The following DPP6 variants were observed in gnomAD, a reference collection of about 807,000 sequenced individuals.
The protein encoded by DPP6 is dipeptidyl peptidase like 6.
Under a neutral mutation model 122.6 loss-of-function variants are expected in DPP6, and 69 were observed. The observed-to-expected ratio is 0.56, with a 90% CI of 0.46 to 0.69. The LOEUF is 0.69. Ranked by LOEUF, DPP6 falls within the 30% of genes least tolerant of loss-of-function variation. DPP6 has a pLI of 0.00. For synonymous variants in DPP6, 418 were observed against 433.1 expected, an observed-to-expected ratio of 0.97 and a Z score of 0.43; for missense variants, 928 against 1,116.9, an observed-to-expected ratio of 0.83 and a Z score of 2.41.
chr7:154,736,171 GA>G (rs1378342559), intron 8 of DPP6, among the ~76,000 whole-genome samples: 1 of 152,224 alleles, frequency 6.6e-6, no homozygotes, highest in Non-Finnish European at 1.5e-5. Context: ...TTTCTTGAAA[GA>G]AAAACACATG....
chr7:154,598,732 CTG>C lies in DPP6; in HGVS notation c.627+31817_627+31818del, dbSNP rs1361288650. ...GGAACTCAGCGCTGCTGCAGTGTAACTGAGAACAGGCTAGTACAACCCACAGG... is the reference window on the plus strand; with the variant it reads ...GGAACTCAGCGCTGCTGCAGTGTAACAGAACAGGCTAGTACAACCCACAGG... On this transcript the variant is annotated intron_variant, in intron 5 of 25. Coordinates refer to ENST00000377770, the MANE Select transcript of DPP6 (RefSeq NM_130797.4). 1.3e-4 allele frequency among the ~76,000 whole-genome samples: 20 copies of C among 152,342 alleles called. No homozygotes were observed. In the East Asian group the frequency reaches 2.1e-3, roughly 16 times the overall value.
the DPP6 span, among the ~76,000 whole-genome samples, chr7:153,801,904 A>C: frequency 1.3e-5 from 2 of 152,098 alleles, no homozygotes; most frequent in Non-Finnish European, 2.9e-5. Flanking sequence ...CATATCTAGC[A>C]CATCACTTTG....
intron 8 of DPP6, among the ~76,000 whole-genome samples, chr7:154,743,167 C>A (rs1252623874): frequency 6.6e-6 from 1 of 152,214 alleles, no homozygotes; most frequent in Non-Finnish European, 1.5e-5. Context: ...GCTCTTTTAT[C>A]TCCAGCGCAT....
the DPP6 span, among the ~76,000 whole-genome samples, chr7:153,880,580 C>A: frequency 6.6e-6 from 1 of 152,302 alleles, no homozygotes; most frequent in Non-Finnish European, 1.5e-5. Flanking sequence ...TTGGCCTACA[C>A]CGACATGTGA....
chr7:154,767,720 A>G lies in DPP6; in HGVS notation c.884-1697A>G, dbSNP rs144061587. Reference sequence around the variant, plus strand: ...AGAACACACAGCAGGACTGGGGCTCAAGTCCAGTGCACCAGGGCTCCTGAA... The same window carrying G: ...AGAACACACAGCAGGACTGGGGCTCGAGTCCAGTGCACCAGGGCTCCTGAA... On this transcript the variant is annotated intron_variant, in intron 8 of 25. Coordinates refer to ENST00000377770, the MANE Select transcript of DPP6 (RefSeq NM_130797.4). Among the ~76,000 whole-genome samples the G allele has an allele frequency of 1.4e-3, 217 of 152,188 alleles. 2 individuals are homozygous for G. The highest frequency in any genetic ancestry group is 4.8e-3 in the African/African-American group (200 of 41,530).
At chr7:154,873,813 C>CAT (rs374059670) in intron 19 of DPP6, among the ~76,000 whole-genome samples, 1,733 of 136,650 alleles carry the variant, frequency 0.013, 26 homozygotes, top group African/African-American at 0.043. Context: ...CACACACACA[C>CAT]ATGCACACAC....
chr7:154,704,480 A>G (rs867141500), intron 7 of DPP6, among the ~76,000 whole-genome samples: 14 of 152,212 alleles, frequency 9.2e-5, no homozygotes, highest in Admixed American at 3.9e-4. Flanking sequence ...GCAATCAAAT[A>G]GGATTGGGTG....
intron 1 of DPP6, among the ~76,000 whole-genome samples, chr7:154,394,801 T>C (rs2151172609): frequency 6.6e-6 from 1 of 152,324 alleles, no homozygotes; most frequent in Non-Finnish European, 1.5e-5. Flanking sequence ...CTTTATTCTT[T>C]TGTATGCCAA....
chr7:154,078,025 A>G (rs373726462), intron 1 of DPP6, among the ~76,000 whole-genome samples: 2 of 152,310 alleles, frequency 1.3e-5, no homozygotes, highest in East Asian at 1.9e-4. Context: ...CCCTGGCTGT[A>G]CAAGTATCCT....
chr7:154,002,876 G>T (rs762700536), intron 1 of DPP6, among the ~76,000 whole-genome samples: 3 of 152,128 alleles, frequency 2.0e-5, no homozygotes, highest in African/African-American at 7.2e-5. Flanking sequence ...TGAGAAATAC[G>T]GATGACAGGA....
the DPP6 span, among the ~76,000 whole-genome samples, chr7:153,843,278 G>GCA: frequency 1.7e-3 from 257 of 147,676 alleles, no homozygotes; most frequent in African/African-American, 4.7e-3. Flanking sequence ...GCATGCGCGC[G>GCA]CGCACACACA....
chr7:154,662,027 G>A (rs1298008421), intron 6 of DPP6, among the ~76,000 whole-genome samples: 1 of 149,640 alleles, frequency 6.7e-6, no homozygotes, highest in Admixed American at 6.6e-5. Context: ...ATGGCATATT[G>A]GCCATAGTGT....
chr7:154,131,416 G>C (rs1795279933), intron 1 of DPP6, among the ~76,000 whole-genome samples: 1 of 152,240 alleles, frequency 6.6e-6, no homozygotes, highest in African/African-American at 2.4e-5. Context: ...CTCTGACTGT[G>C]ACTGCTTGAA....
At chr7:154,744,384 C>T (rs1375619496) in intron 8 of DPP6, among the ~76,000 whole-genome samples, 2 of 152,196 alleles carry the variant, frequency 1.3e-5, no homozygotes, top group African/African-American at 4.8e-5. Context: ...ATCTCTTCCC[C>T]ACTAAAGGAA....
chr7:154,883,403 T>G (rs1189701493), intron 21 of DPP6, among the ~76,000 whole-genome samples: 2 of 65,416 alleles, frequency 3.1e-5, no homozygotes, highest in South Asian at 5.4e-4. Context: ...CACACACACA[T>G]GCTCACCCAT....
chr7:154,446,387 C>T, intron 2 of DPP6, 59 bp downstream of exon 2: 2 of 1,387,116 alleles, frequency 1.4e-6, no homozygotes, highest in Middle Eastern at 1.8e-4. Context: ...CATAATTTTA[C>T]CTTGCAATTT....
the DPP6 span, among the ~76,000 whole-genome samples, chr7:153,843,462 C>T: frequency 4.6e-5 from 7 of 152,118 alleles, no homozygotes; most frequent in South Asian, 4.2e-4. Flanking sequence ...CCAGGTGGAT[C>T]GGCAGGTCGA....
At chr7:154,546,700 A>ATTAATTAAT (rs1829226817) in intron 4 of DPP6, among the ~76,000 whole-genome samples, 1 of 152,300 alleles carries the variant, frequency 6.6e-6, no homozygotes, top group African/African-American at 2.4e-5. Context: ...GTCTCTAAAA[A>ATTAATTAAT]TTAATTAATT....
the DPP6 span, among the ~76,000 whole-genome samples, chr7:153,790,411 G>A: frequency 2.0e-5 from 3 of 152,034 alleles, no homozygotes; most frequent in African/African-American, 7.2e-5. Flanking sequence ...AGTATAAACT[G>A]GCAATTATAT....
Sources: allele counts gnomAD v4.1 joint callset (sites outside exome capture counted in the v4.1 genomes callset), GRCh38; gene constraint gnomAD v4.1.1; transcripts MANE v1.5; gene names NCBI Gene and HGNC (gene_info 2026-07-23, HGNC 2026-07-21).